Variants in QDPR observed in about 807,000 individuals in gnomAD.
The protein encoded by QDPR is dihydropteridine reductase.
Under a neutral mutation model 31.7 loss-of-function variants are expected in QDPR, and 23 were observed. The observed-to-expected ratio is 0.73, with a 90% CI of 0.52 to 1.03. The LOEUF is 1.03. Among genes scored for constraint, QDPR ranks in the 50% least tolerant of loss-of-function variants. QDPR has a pLI of 0.00. For synonymous variants in QDPR, 124 were observed against 124.7 expected (o/e 0.99, Z 0.03); for missense variants, 324 against 323.8 (o/e 1.00, Z 0.00).
chr4:17,511,068 A>C (rs1218669152), intron 1 of QDPR, among the ~76,000 whole-genome samples: 1 of 152,148 alleles, frequency 6.6e-6, no homozygotes, highest in Non-Finnish European at 1.5e-5. Flanking sequence ...ATCTATAAAA[A>C]TTAGATAGTT....
chr4:17,497,641 C>G (rs535782094), intron 4 of QDPR, among the ~76,000 whole-genome samples: 3 of 152,072 alleles, frequency 2.0e-5, no homozygotes, highest in African/African-American at 7.2e-5. Context: ...AGACAAGGCA[C>G]CTAAAATCAC....
chr4:17,490,589 G>A (rs1423154820), intron 6 of QDPR, 73 bp downstream of exon 6: 21 of 1,285,962 alleles, frequency 1.6e-5, no homozygotes, highest in Non-Finnish European at 2.4e-5. Context: ...ACACAGACTT[G>A]TCCTCTGGAC....
Position 17,509,296 on chromosome 4 carries a change from T to G in QDPR, c.173A>C (p.Asp58Ala), listed in dbSNP as rs1200337563. 10 of 1,613,936 alleles carry G rather than the reference T, an allele frequency of 6.2e-6. No individual in the cohort carries two copies. The highest frequency in any genetic ancestry group is 8.5e-6 in the Non-Finnish European group (10 of 1,179,922). The change falls in exon 2 of 7, where the codon GAC becomes GCC. Residue 58 changes from aspartate (D) to alanine (A), a missense_variant. Coordinates refer to ENST00000281243, the MANE Select transcript of QDPR (RefSeq NM_000320.3). ...ASASIIVKMT[D>A]SFTEQADQVT... is the part of the protein sequence containing the mutation. ...CTGGTCAGCCTGCTCAGTGAACGAG[T>G]CTGTCATTTTAACAATGATGCTAGC...
chr4:17,492,397 G>C lies in QDPR; in HGVS notation c.437-57C>G, dbSNP rs912874552. On this transcript the variant is annotated intron_variant, in intron 4 of 6. Transcript: ENST00000281243. ...CACTGGCGGCCAGGGGGACAGCAAGGACATGCAATCTTCTCTTGAGATCTC... is the reference window on the plus strand; with the variant it reads ...CACTGGCGGCCAGGGGGACAGCAAGCACATGCAATCTTCTCTTGAGATCTC... The C allele has an allele frequency of 5.3e-6, 7 of 1,331,780 alleles. No homozygotes were observed. The African/African-American group carries it at 7.2e-5, about 14-fold the overall frequency. 82.5% of individuals were successfully genotyped at this position (1,331,780 alleles called of 1,614,324 possible). A position where few individuals can be genotyped will look rare whatever the true frequency, so the allele number is the denominator to read the frequency against.
At chr4:17,492,634 GA>G in intron 4 of QDPR, 1 of 473,008 alleles carries the variant, frequency 2.1e-6, no homozygotes, top group Non-Finnish European at 3.8e-6. Flanking sequence ...CCAGGGTCCA[GA>G]AGAGGCCAGG....
At chr4:17,494,784 G>A (rs1718293190) in intron 4 of QDPR, among the ~76,000 whole-genome samples, 1 of 152,200 alleles carries the variant, frequency 6.6e-6, no homozygotes. Flanking sequence ...TTCAAAAAGT[G>A]CAGCCCTAAC....
intron 4 of QDPR, among the ~76,000 whole-genome samples, chr4:17,499,546 T>C (rs1037501731): frequency 3.9e-5 from 6 of 152,160 alleles, no homozygotes; most frequent in African/African-American, 1.2e-4. Flanking sequence ...TAACATCACA[T>C]GCTCTAAGAA....
intron 4 of QDPR, among the ~76,000 whole-genome samples, chr4:17,500,005 A>G (rs1718504552): frequency 6.6e-6 from 1 of 150,676 alleles, no homozygotes. Context: ...TTCTTTTGAG[A>G]GGGAGTCTTG....
intron 5 of QDPR, among the ~76,000 whole-genome samples, chr4:17,491,236 A>C (rs570989360): frequency 6.6e-6 from 1 of 152,264 alleles, no homozygotes; most frequent in Non-Finnish European, 1.5e-5. Context: ...TCAGATATGC[A>C]TGAATCTCCC....
rs1237485951 is a variant in QDPR, at chr4:17,487,180, T to C, written c.686A>G (p.Gln229Arg). 1 of 1,614,116 alleles carries C rather than the reference T, an allele frequency of 6.2e-7. No homozygotes were observed. The highest frequency in any genetic ancestry group is 1.3e-5 in the African/African-American group (1 of 74,940). ...CGTCCTTCCTTCTGTGGTTACCACC[T>C]GGATTAGGCTTCCTGAGCTCGGTCG... The part of the protein sequence containing the change: ...KNRPSSGSLI[Q>R]VVTTEGRTEL... Residue 229 changes from glutamine to arginine, a missense_variant, in exon 7 of 7, where the codon CAG becomes CGG. Physicochemically the swap from Gln to Arg is conservative, Grantham distance 43. Coordinates refer to ENST00000281243, the MANE Select transcript of QDPR (RefSeq NM_000320.3).
chr4:17,498,477 A>G (rs546571224), intron 4 of QDPR, among the ~76,000 whole-genome samples: 2 of 152,202 alleles, frequency 1.3e-5, no homozygotes, highest in Admixed American at 6.5e-5. Context: ...CATTCGAACA[A>G]CACAACACAA....
At chr4:17,497,916 G>A (rs888721194) in intron 4 of QDPR, among the ~76,000 whole-genome samples, 7 of 152,072 alleles carry the variant, frequency 4.6e-5, no homozygotes, top group Non-Finnish European at 7.4e-5. Context: ...CCCACTATTC[G>A]ATGGATATTT....
chr4:17,493,543 C>T (rs1401124744), intron 4 of QDPR, among the ~76,000 whole-genome samples: 1 of 152,132 alleles, frequency 6.6e-6, no homozygotes, highest in East Asian at 1.9e-4. Context: ...CAATAATTTG[C>T]TAGAATGGCT....
intron 2 of QDPR, among the ~76,000 whole-genome samples, chr4:17,508,253 A>G (rs1221558532): frequency 6.6e-6 from 1 of 152,206 alleles, no homozygotes; most frequent in Non-Finnish European, 1.5e-5. Flanking sequence ...CCTGGCCAAC[A>G]TGGCAAAAAC....
intron 3 of QDPR, among the ~76,000 whole-genome samples, chr4:17,503,026 C>T (rs1213775264): frequency 6.6e-6 from 1 of 152,240 alleles, no homozygotes; most frequent in Non-Finnish European, 1.5e-5. Context: ...CACACCATCA[C>T]TCAGGAAGAA....
At chr4:17,505,243 C>CTTTTT (rs1230268105) in intron 2 of QDPR, among the ~76,000 whole-genome samples, 40 of 103,276 alleles carry the variant, frequency 3.9e-4, no homozygotes, top group East Asian at 9.1e-4. Flanking sequence ...CTTAAGATTT[C>CTTTTT]TTTTTTTTTT....
chr4:17,511,802 C>T (rs1474149510), intron 1 of QDPR, 148 bp downstream of exon 1: 2 of 764,500 alleles, frequency 2.6e-6, no homozygotes, highest in Non-Finnish European at 4.2e-6. Flanking sequence ...GGAATAGACG[C>T]GTAGACCTGT....
chr4:17,500,242 T>A (rs750757074), intron 4 of QDPR, among the ~76,000 whole-genome samples: 6 of 151,556 alleles, frequency 4.0e-5, no homozygotes, highest in Non-Finnish European at 7.4e-5. Context: ...TGTGAGCCAC[T>A]GCACCCGGCC....
intron 3 of QDPR, 124 bp from the exon 4 acceptor site, chr4:17,501,983 A>C: frequency 8.5e-7 from 1 of 1,171,628 alleles, no homozygotes; most frequent in Non-Finnish European, 1.2e-6. Context: ...ATCTACAGCA[A>C]GGTCTAACAC....
Sources: allele counts gnomAD v4.1 joint callset (sites outside exome capture counted in the v4.1 genomes callset), GRCh38; gene constraint gnomAD v4.1.1; transcripts MANE v1.5; gene names NCBI Gene and HGNC (gene_info 2026-07-23, HGNC 2026-07-21).